Variants in ANO1 observed in about 807,000 individuals in gnomAD.
ANO1 encodes anoctamin-1.
A neutral mutation model predicts 124.0 loss-of-function variants in ANO1; 59 were observed. The ratio of observed to expected loss-of-function variants is 0.48; its 90% confidence interval spans 0.39 to 0.59. The LOEUF (loss-of-function observed/expected upper bound fraction) is 0.59. ANO1 is among the 20% of genes least tolerant of loss of function. The pLI, the probability that ANO1 is intolerant of heterozygous loss-of-function variation, is 0.00. For missense variants in ANO1, 1,059 were observed against 1,328.0 expected (o/e 0.80, Z 3.15); for synonymous variants, 529 against 532.0 (o/e 0.99, Z 0.08).
chr11:70,054,150 C>A (rs1014373372), intron 1 of ANO1, among the ~76,000 whole-genome samples: 1 of 152,210 alleles, frequency 6.6e-6, no homozygotes, highest in African/African-American at 2.4e-5. Context: ...CTCCTCCTCA[C>A]CCCTCGTCAC....
intron 1 of ANO1, among the ~76,000 whole-genome samples, chr11:70,031,658 G>A (rs1196560915): frequency 6.6e-6 from 1 of 152,172 alleles, no homozygotes; most frequent in Non-Finnish European, 1.5e-5. Context: ...GGGGATGAGG[G>A]TACAGAGATG....
At position 70,167,281 on chromosome 11, in the gene ANO1, G is replaced by A. The variant is rs763932046; in HGVS notation, c.2091G>A (p.Gln697=). Reference sequence around the variant, plus strand: ...TCATCCGCTACCTGAAGCTGAAGCAGCAGAGCCCCCCTGACCACGAGGAGT... The same window carrying A: ...TCATCCGCTACCTGAAGCTGAAGCAACAGAGCCCCCCTGACCACGAGGAGT... ...KKLIRYLKLK[Q]QSPPDHEECV... The change falls in exon 21 of 26, where the codon CAG becomes CAA. Residue 697 remains glutamine (Q), a synonymous_variant. Coordinates refer to ENST00000355303, the MANE Select transcript of ANO1 (RefSeq NM_018043.7). 4.3e-6 allele frequency: 7 copies of A among 1,613,904 alleles called. No individual in the cohort carries two copies. The highest frequency in any genetic ancestry group is 5.9e-6 in the Non-Finnish European group (7 of 1,179,896).
chr11:70,142,824 A>G (rs2047207481), intron 11 of ANO1, among the ~76,000 whole-genome samples: 1 of 152,164 alleles, frequency 6.6e-6, no homozygotes, highest in Admixed American at 6.5e-5. Flanking sequence ...CTGTGTCCTC[A>G]GGTGGCAAAG....
chr11:70,037,552 G>A (rs1296841784), intron 1 of ANO1, among the ~76,000 whole-genome samples: 2 of 152,030 alleles, frequency 1.3e-5, no homozygotes, highest in East Asian at 1.9e-4. Flanking sequence ...GTGGCCTAGT[G>A]GGAAAACACA....
At chr11:69,997,386 G>A (rs1303842996) in intron 1 of ANO1, among the ~76,000 whole-genome samples, 1 of 133,758 alleles carries the variant, frequency 7.5e-6, no homozygotes, top group Non-Finnish European at 1.6e-5. Context: ...AAAAATAAAA[G>A]AAGTCAAGGA....
chr11:70,132,150 C>T, intron 11 of ANO1, 71 bp downstream of exon 11: 1 of 1,489,130 alleles, frequency 6.7e-7, no homozygotes, highest in Non-Finnish European at 9.0e-7. Context: ...CTGCTTCTGT[C>T]TGTCTTTGCG....
At chr11:70,174,128 C>T (rs2048586055) in intron 22 of ANO1, among the ~76,000 whole-genome samples, 3 of 150,742 alleles carry the variant, frequency 2.0e-5, no homozygotes, top group Non-Finnish European at 4.4e-5. Flanking sequence ...TTAGTAGAGA[C>T]GGGGTTTCAC....
chr11:70,033,468 C>T (rs1591047458), intron 1 of ANO1, among the ~76,000 whole-genome samples: 1 of 152,228 alleles, frequency 6.6e-6, no homozygotes, highest in East Asian at 1.9e-4. Context: ...CCTCCAGGCT[C>T]CTGCCTTGGG....
intron 2 of ANO1, among the ~76,000 whole-genome samples, chr11:70,101,890 GC>G (rs1375711530): frequency 6.6e-6 from 1 of 152,182 alleles, no homozygotes; most frequent in African/African-American, 2.4e-5. Flanking sequence ...TGACCCCCAA[GC>G]CCCGGAGGAC....
rs768290703 is a variant in ANO1 at position 70,103,993 on chromosome 11, C to A, written c.541-6C>A. Reference sequence around the variant, plus strand: ...GCAGCTCCCCGGTCCCTTGTCTTATCTGCAGATGTACCACATTAATGAGAC... The same window carrying A: ...GCAGCTCCCCGGTCCCTTGTCTTATATGCAGATGTACCACATTAATGAGAC... On this transcript the variant is annotated splice_polypyrimidine_tract_variant and splice_region_variant and intron_variant, in intron 3 of 25. Transcript: ENST00000355303. 1 of 1,611,194 alleles carries A rather than the reference C, an allele frequency of 6.2e-7. No homozygotes were observed. Among genetic ancestry groups the A allele is most frequent in the Non-Finnish European group, 8.5e-7 (1 of 1,178,766 alleles).
the ANO1 span, among the ~76,000 whole-genome samples, chr11:69,973,687 C>T: frequency 6.6e-6 from 1 of 151,990 alleles, no homozygotes; most frequent in African/African-American, 2.4e-5. Context: ...ACCTGGCCAA[C>T]ATGGTGAAAC....
chr11:70,029,097 T>C (rs782274213), intron 1 of ANO1, among the ~76,000 whole-genome samples: 2 of 152,180 alleles, frequency 1.3e-5, no homozygotes, highest in African/African-American at 2.4e-5. Context: ...CCTAAGTTTC[T>C]TGAAGGCAGG....
At chr11:69,976,710 C>G in the ANO1 span, among the ~76,000 whole-genome samples, 1 of 152,146 alleles carries the variant, frequency 6.6e-6, no homozygotes, top group African/African-American at 2.4e-5. Context: ...CTTCCAGCCT[C>G]TAAGACAATG....
chr11:70,057,427 T>C (rs1857463747), intron 1 of ANO1, among the ~76,000 whole-genome samples: 1 of 136,812 alleles, frequency 7.3e-6, no homozygotes, highest in African/African-American at 2.6e-5. Context: ...TACCCTGAAC[T>C]CCAATTTTGT....
At chr11:70,019,328 G>GCACGCACACACACATGCACA (rs1856760447) in intron 1 of ANO1, among the ~76,000 whole-genome samples, 1 of 143,586 alleles carries the variant, frequency 7.0e-6, no homozygotes, top group Admixed American at 7.6e-5. Context: ...GCACACACAC[G>GCACGCACACACACATGCACA]CACGCACACA....
chr11:70,033,161 C>A (rs945731979), intron 1 of ANO1, among the ~76,000 whole-genome samples: 1 of 152,138 alleles, frequency 6.6e-6, no homozygotes, highest in Admixed American at 6.5e-5. Context: ...GGGGCCTTCA[C>A]GGGGCGGTTT....
rs776134105 is a variant in ANO1 at position 70,182,681 on chromosome 11, C to T, written c.2583C>T (p.Ile861=). 6.3e-7 allele frequency: 1 copy of T among 1,584,354 alleles called. No individual in the cohort carries two copies. The highest frequency in any genetic ancestry group is 1.2e-5 in the South Asian group (1 of 85,934). Residue 861 remains isoleucine, a synonymous_variant, in exon 24 of 26, where the codon ATC becomes ATT. Coordinates refer to ENST00000355303, the MANE Select transcript of ANO1 (RefSeq NM_018043.7). ...DPLDLGYEVQ[I]CRYKDYREPP... ...TGGACCTGGGCTACGAGGTGCAGAT[C>T]TGCAGGTACTGCTCTCTGCTCCCCT...
intron 1 of ANO1, among the ~76,000 whole-genome samples, chr11:70,019,247 ACAC>A (rs1272100552): frequency 9.7e-6 from 1 of 102,888 alleles, no homozygotes; most frequent in Non-Finnish European, 1.9e-5. Context: ...ACCCCCCCAC[ACAC>A]ACACACACAC....
At chr11:70,051,617 A>G (rs782021508) in intron 1 of ANO1, among the ~76,000 whole-genome samples, 40 of 152,258 alleles carry the variant, frequency 2.6e-4, no homozygotes, top group Non-Finnish European at 5.3e-4. Context: ...GTGGTATCTC[A>G]TTGTGGTTTT....
Sources: gnomAD v4.1 joint callset for allele counts (sites outside exome capture counted in the v4.1 genomes callset) on GRCh38, gnomAD v4.1.1 for gene constraint, MANE v1.5 for transcripts, NCBI Gene and HGNC (gene_info 2026-07-23, HGNC 2026-07-21) for gene names.